Variants in ADGRL2 observed in about 807,000 individuals in gnomAD.
ADGRL2 encodes adhesion G protein-coupled receptor L2.
A neutral mutation model predicts 157.4 loss-of-function variants in ADGRL2; 44 were observed. The ratio of observed to expected loss-of-function variants is 0.28; its 90% confidence interval spans 0.22 to 0.36. The LOEUF is 0.36. Among genes scored for constraint, ADGRL2 ranks in the 10% least tolerant of loss-of-function variants. ADGRL2 has a pLI of 1.00. For synonymous variants in ADGRL2, 585 were observed against 624.7 expected (o/e 0.94, Z 0.95); for missense variants, 1,510 against 1,768.9 (o/e 0.85, Z 2.63).
intron 2 of ADGRL2, among the ~76,000 whole-genome samples, chr1:81,764,184 T>A (rs2086021153): frequency 9.9e-6 from 1 of 101,228 alleles, no homozygotes. Flanking sequence ...AGAGCGAGAC[T>A]CTGTCAAAAA....
At chr1:81,951,731 T>TC (rs1438225859) in intron 8 of ADGRL2, among the ~76,000 whole-genome samples, 1 of 152,118 alleles carries the variant, frequency 6.6e-6, no homozygotes, top group African/African-American at 2.4e-5. Flanking sequence ...GGATTTTTTT[T>TC]CCTTTTTATT....
chr1:81,526,773 G>A (rs754363672), intron 2 of ADGRL2, among the ~76,000 whole-genome samples: 5 of 152,130 alleles, frequency 3.3e-5, no homozygotes, highest in Non-Finnish European at 5.9e-5. Context: ...AGTCTATTTC[G>A]AATATACACA....
intron 1 of ADGRL2, among the ~76,000 whole-genome samples, chr1:81,389,682 A>G (rs1337144699): frequency 6.6e-6 from 1 of 152,172 alleles, no homozygotes; most frequent in Non-Finnish European, 1.5e-5. Context: ...CCTATTCAAT[A>G]TAATTCAACC....
At chr1:81,711,194 C>T (rs1164420351) in intron 1 of ADGRL2, among the ~76,000 whole-genome samples, 2 of 152,190 alleles carry the variant, frequency 1.3e-5, no homozygotes, top group East Asian at 1.9e-4. Context: ...CAATTCTTGT[C>T]CGCATGTTTG....
chr1:81,756,860 T>A (rs1333891193), intron 1 of ADGRL2, among the ~76,000 whole-genome samples: 2 of 152,206 alleles, frequency 1.3e-5, no homozygotes, highest in African/African-American at 4.8e-5. Flanking sequence ...GAAGACACTC[T>A]TTGATCTAAA....
chr1:81,584,070 T>G (rs1412406769), intron 3 of ADGRL2, among the ~76,000 whole-genome samples: 1 of 152,142 alleles, frequency 6.6e-6, no homozygotes, highest in East Asian at 1.9e-4. Flanking sequence ...TTATGTATAC[T>G]TTGACCTAAG....
Position 81,308,857 on chromosome 1 carries a change from G to C in ADGRL2, c.-302+2348G>C, listed in dbSNP as rs144649024. 7.1e-3 allele frequency among the ~76,000 whole-genome samples: 1,078 copies of C among 152,178 alleles called. 8 individuals are homozygous for C. Among genetic ancestry groups the C allele is most frequent in the Non-Finnish European group, 0.011 (757 of 67,994 alleles). ...TTTCTTTTGCCTCATCTGTAAACTT[G>C]CCATTCCTCTAGTAACTCATTCAAG... is the stretch of plus-strand genomic sequence containing the variant. On this transcript the variant is annotated intron_variant, in intron 1 of 24. Transcript: ENST00000370721.
intron 3 of ADGRL2, among the ~76,000 whole-genome samples, chr1:81,643,191 G>A (rs2148811493): frequency 6.6e-6 from 1 of 152,296 alleles, no homozygotes; most frequent in East Asian, 1.9e-4. Context: ...CAAAAGAACT[G>A]ACACACACAA....
intron 1 of ADGRL2, among the ~76,000 whole-genome samples, chr1:81,414,912 T>C (rs140423163): frequency 1.1e-4 from 16 of 152,320 alleles, no homozygotes; most frequent in African/African-American, 3.4e-4. Flanking sequence ...GTTTGACTCA[T>C]AGGGTCTAGG....
chr1:81,316,617 A>G (rs1660124517), intron 1 of ADGRL2, among the ~76,000 whole-genome samples: 1 of 152,352 alleles, frequency 6.6e-6, no homozygotes, highest in Non-Finnish European at 1.5e-5. Context: ...AACATGGTAT[A>G]CGCAAGGTTG....
chr1:81,319,019 G>A (rs188185303), intron 1 of ADGRL2, among the ~76,000 whole-genome samples: 2 of 118,418 alleles, frequency 1.7e-5, no homozygotes, highest in Non-Finnish European at 3.2e-5. Context: ...CCAGCTCACC[G>A]CAACCTCCAC....
chr1:81,712,027 G>A lies in ADGRL2; in HGVS notation c.-143+12219G>A, dbSNP rs114897839. Reference sequence around the variant, plus strand: ...GACACCCAAGTGTCCGCCAAGTAGAGAAGGAAGTCTTTGGCTAATCGAATC... The same window carrying A: ...GACACCCAAGTGTCCGCCAAGTAGAAAAGGAAGTCTTTGGCTAATCGAATC... On this transcript the variant is annotated intron_variant, in intron 1 of 20. Transcript: ENST00000359929. 2.6e-3 allele frequency among the ~76,000 whole-genome samples: 391 copies of A among 152,314 alleles called. 1 individual carries two copies. The highest frequency in any genetic ancestry group is 4.1e-3 in the Non-Finnish European group (276 of 68,004).
At chr1:81,763,655 T>A (rs530512325) in intron 2 of ADGRL2, among the ~76,000 whole-genome samples, 2 of 145,670 alleles carry the variant, frequency 1.4e-5, no homozygotes, top group Admixed American at 1.4e-4. Flanking sequence ...GAGGCTGAGG[T>A]GAGCAGATCA....
At chr1:81,968,886 T>C (rs978041433) in intron 14 of ADGRL2, among the ~76,000 whole-genome samples, 6 of 152,240 alleles carry the variant, frequency 3.9e-5, no homozygotes, top group African/African-American at 7.2e-5. Context: ...ATAGTTTCCA[T>C]GTGTTTATGT....
chr1:81,392,448 G>A (rs1004391227), intron 1 of ADGRL2, among the ~76,000 whole-genome samples: 4 of 151,928 alleles, frequency 2.6e-5, no homozygotes, highest in Admixed American at 2.6e-4. Context: ...TATGCTGGAG[G>A]AACATGCTAA....
At chr1:81,638,419 A>G (rs2082154372) in intron 3 of ADGRL2, among the ~76,000 whole-genome samples, 1 of 152,244 alleles carries the variant, frequency 6.6e-6, no homozygotes. Context: ...AACAGATAAC[A>G]GTTTGTTCAA....
intron 1 of ADGRL2, among the ~76,000 whole-genome samples, chr1:81,308,132 A>G (rs1448979282): frequency 6.6e-6 from 1 of 152,172 alleles, no homozygotes; most frequent in Non-Finnish European, 1.5e-5. Flanking sequence ...CAGTGAGAGA[A>G]GAGGAATTTG....
At position 81,756,728 on chromosome 1, in the gene ADGRL2, C is replaced by A. The variant is rs530676915; in HGVS notation, c.-142-5083C>A. ...TAGGTAATTGTGATTTTTTTATAGG[C>A]CAGCAATATGTCTTTCTCCATTCAT... On this transcript the variant is annotated intron_variant, in intron 1 of 20. Transcript: ENST00000359929. Among the ~76,000 whole-genome samples the A allele has an allele frequency of 7.2e-5, 11 of 152,116 alleles. No individual in the cohort carries two copies. The East Asian group carries it at 2.1e-3, about 29-fold the overall frequency.
chr1:81,537,108 T>C (rs2079758236), intron 2 of ADGRL2, among the ~76,000 whole-genome samples: 8 of 152,206 alleles, frequency 5.3e-5, no homozygotes, highest in Admixed American at 5.2e-4. Context: ...TTATTGTTTT[T>C]GAATTACATA....
Sources: gnomAD v4.1 joint callset for allele counts (sites outside exome capture counted in the v4.1 genomes callset) on GRCh38, gnomAD v4.1.1 for gene constraint, MANE v1.5 for transcripts, NCBI Gene and HGNC (gene_info 2026-07-23, HGNC 2026-07-21) for gene names.